The following MBD5 variants were observed in gnomAD, a reference collection of about 807,000 sequenced individuals.
MBD5 encodes the protein methyl-CpG-binding domain protein 5.
MBD5 carries 13 observed loss-of-function variants against 117.3 expected under a neutral mutation model. The ratio of observed to expected loss-of-function variants is 0.11; its 90% CI spans 0.07 to 0.18. MBD5 has a LOEUF of 0.18. MBD5 is among the 10% of genes least tolerant of loss of function. The pLI, the probability that MBD5 is intolerant of heterozygous loss-of-function variation, is 1.00. For synonymous variants in MBD5, 727 were observed against 766.4 expected, an observed-to-expected ratio of 0.95 and a Z score of 0.85; for missense variants, 1,879 against 2,093.8, an observed-to-expected ratio of 0.90 and a Z score of 2.00.
intron 1 of MBD5, among the ~76,000 whole-genome samples, chr2:148,143,228 A>T (rs927625168): frequency 1.3e-5 from 2 of 152,202 alleles, no homozygotes; most frequent in African/African-American, 2.4e-5. Flanking sequence ...TGGTTTCATT[A>T]TACCTGGTTT....
intron 1 of MBD5, among the ~76,000 whole-genome samples, chr2:148,073,292 G>T (rs979659182): frequency 2.6e-5 from 4 of 152,046 alleles, no homozygotes; most frequent in Non-Finnish European, 5.9e-5. Flanking sequence ...GCAGGTATAG[G>T]CAATCACACA....
At chr2:148,127,208 C>T (rs1287273669) in intron 1 of MBD5, among the ~76,000 whole-genome samples, 1 of 152,000 alleles carries the variant, frequency 6.6e-6, no homozygotes, top group Non-Finnish European at 1.5e-5. Flanking sequence ...ACCTTGTGGT[C>T]CGCCCACCTC....
intron 5 of MBD5, among the ~76,000 whole-genome samples, chr2:148,460,936 T>C (rs191488000): frequency 1.3e-5 from 2 of 152,310 alleles, no homozygotes; most frequent in Admixed American, 6.5e-5. Context: ...ATTATACTTT[T>C]TTTCTTGTTG....
chr2:148,211,450 G>A (rs766539980), intron 2 of MBD5, among the ~76,000 whole-genome samples: 17 of 152,134 alleles, frequency 1.1e-4, no homozygotes, highest in African/African-American at 1.7e-4. Flanking sequence ...TACTTTCAGC[G>A]TTTGATTGAA....
At chr2:148,251,477 A>T (rs1447543584) in intron 3 of MBD5, among the ~76,000 whole-genome samples, 1 of 152,208 alleles carries the variant, frequency 6.6e-6, no homozygotes, top group Non-Finnish European at 1.5e-5. Flanking sequence ...AGAAAAAAGC[A>T]TTTGAAAGTA....
chr2:148,232,075 G>A (rs557463122), intron 2 of MBD5, among the ~76,000 whole-genome samples: 70 of 152,276 alleles, frequency 4.6e-4, no homozygotes, highest in Non-Finnish European at 6.2e-4. Flanking sequence ...CAGACATGTC[G>A]TTATCTAAAG....
intron 4 of MBD5, among the ~76,000 whole-genome samples, chr2:148,379,127 A>G (rs981832666): frequency 2.0e-5 from 3 of 152,092 alleles, no homozygotes; most frequent in African/African-American, 7.2e-5. Context: ...TTTTCCAAAA[A>G]CAGTAAAGAA....
intron 1 of MBD5, among the ~76,000 whole-genome samples, chr2:148,157,835 CT>C (rs1697911459): frequency 6.6e-6 from 1 of 152,088 alleles, no homozygotes; most frequent in African/African-American, 2.4e-5. Context: ...ATTGGATTAA[CT>C]TTTTTATTCC....
intron 4 of MBD5, among the ~76,000 whole-genome samples, chr2:148,452,632 T>C (rs1018338408): frequency 1.3e-5 from 2 of 152,218 alleles, no homozygotes; most frequent in Non-Finnish European, 2.9e-5. Context: ...AGCATCCTGT[T>C]GAAATATGTT....
At chr2:148,344,284 C>T (rs540997500) in intron 4 of MBD5, among the ~76,000 whole-genome samples, 8 of 151,864 alleles carry the variant, frequency 5.3e-5, no homozygotes, top group Admixed American at 1.3e-4. Flanking sequence ...TTTGGATTTG[C>T]GTTGTCTCTT....
chr2:148,033,122 C>A (rs1694088160), intron 1 of MBD5, among the ~76,000 whole-genome samples: 1 of 151,832 alleles, frequency 6.6e-6, no homozygotes, highest in South Asian at 2.1e-4. Flanking sequence ...GTCGAGCAAA[C>A]CAAGGTAGAA....
At chr2:148,153,721 G>A (rs1384446722) in intron 1 of MBD5, among the ~76,000 whole-genome samples, 2 of 146,146 alleles carry the variant, frequency 1.4e-5, no homozygotes, top group South Asian at 2.3e-4. Context: ...CTTTCTTCCA[G>A]TTGATCGCAT....
intron 4 of MBD5, among the ~76,000 whole-genome samples, chr2:148,395,576 C>G (rs1704688003): frequency 6.6e-6 from 1 of 152,002 alleles, no homozygotes; most frequent in African/African-American, 2.4e-5. Context: ...AGGCATGCAC[C>G]ACCACACCCG....
At position 148,352,423 on chromosome 2, in the gene MBD5, T is replaced by TA. The variant is rs1265923585; in HGVS notation, c.-557+10089dup. 2.0e-5 allele frequency among the ~76,000 whole-genome samples: 3 copies of TA among 152,160 alleles called. No individual in the cohort carries two copies. The East Asian group carries it at 5.8e-4, about 29-fold the overall frequency. ...GTATCTGTCAAATTATAGTACAATA[T>TA]AACAAACAAGTTAGTGACATTGATA... On this transcript the variant is annotated intron_variant, in intron 4 of 13. Coordinates refer to ENST00000642680, the MANE Select transcript of MBD5 (RefSeq NM_001378120.1).
intron 1 of MBD5, among the ~76,000 whole-genome samples, chr2:148,134,280 A>G (rs962250978): frequency 6.6e-6 from 1 of 152,184 alleles, no homozygotes; most frequent in Admixed American, 6.5e-5. Flanking sequence ...ACAGATATAC[A>G]AACACCCATA....
chr2:148,417,826 G>T (rs1290736307), intron 4 of MBD5, among the ~76,000 whole-genome samples: 1 of 151,352 alleles, frequency 6.6e-6, no homozygotes, highest in Non-Finnish European at 1.5e-5. Context: ...TTGTGCGGGG[G>T]GGTGTTTTTT....
At chr2:148,082,938 G>T (rs1234410) in intron 1 of MBD5, among the ~76,000 whole-genome samples, 84,006 of 151,936 alleles carry the variant, frequency 0.55, 23,334 homozygotes, top group Middle Eastern at 0.69. Context: ...TCTTGCCCTT[G>T]GTAGGCATGA....
intron 1 of MBD5, among the ~76,000 whole-genome samples, chr2:148,173,084 T>C (rs551244754): frequency 6.6e-6 from 1 of 152,312 alleles, no homozygotes; most frequent in Admixed American, 6.5e-5. Context: ...ACCCGCCGAA[T>C]GGCACCACTG....
chr2:148,117,989 C>T (rs1696679488), intron 1 of MBD5, among the ~76,000 whole-genome samples: 1 of 152,124 alleles, frequency 6.6e-6, no homozygotes, highest in Admixed American at 6.5e-5. Context: ...TGGCTGAGTC[C>T]TGGAAATCTG....
Sources: allele counts gnomAD v4.1 joint callset (sites outside exome capture counted in the v4.1 genomes callset), GRCh38; gene constraint gnomAD v4.1.1; transcripts MANE v1.5; gene names NCBI Gene and HGNC (gene_info 2026-07-23, HGNC 2026-07-21).